The following DLGAP4 variants were observed in gnomAD, a reference collection of about 807,000 sequenced individuals.
The protein encoded by DLGAP4 is DLG associated protein 4.
DLGAP4 carries 18 observed loss-of-function variants against 86.9 expected under a neutral mutation model. That is an observed-to-expected ratio of 0.21 (90% CI 0.14 to 0.31). The LOEUF is 0.31. Among genes scored for constraint, DLGAP4 ranks in the 10% least tolerant of loss-of-function variants. The pLI is 1.00. For synonymous variants in DLGAP4, 548 were observed against 574.3 expected (o/e 0.95, Z 0.65); for missense variants, 1,085 against 1,362.6 (o/e 0.80, Z 3.21).
rs1209825623 is a variant in DLGAP4 at position 36,527,089 on chromosome 20, G to T, written c.*58G>T. ...CATTAAAAACACAAAAACTAAGTGC[G>T]AACGGAACAGAGTTTTCTCAACCTT... On this transcript the variant is annotated 3_prime_UTR_variant, in exon 13 of 13. Coordinates refer to ENST00000339266, the MANE Select transcript of DLGAP4 (RefSeq NM_001365621.2). 2 of 1,480,852 alleles carry T rather than the reference G, an allele frequency of 1.4e-6. No homozygotes were observed. Among genetic ancestry groups the T allele is most frequent in the South Asian group, 2.6e-5 (2 of 78,126 alleles). The allele number at this position is 1,480,852 out of a possible 1,614,324, so 91.7% of individuals were successfully genotyped here. A position where few individuals can be genotyped will look rare whatever the true frequency, so the allele number is the denominator to read the frequency against.
chr20:36,442,617 G>T, intron 5 of DLGAP4, 110 bp from the exon 6 acceptor site: 1 of 1,207,274 alleles, frequency 8.3e-7, no homozygotes, highest in East Asian at 2.3e-5. Flanking sequence ...AGCCAGTCTG[G>T]GGAGGAGGTT....
At chr20:36,394,855 G>A (rs1397579551) in intron 2 of DLGAP4, among the ~76,000 whole-genome samples, 1 of 152,180 alleles carries the variant, frequency 6.6e-6, no homozygotes, top group Non-Finnish European at 1.5e-5. Flanking sequence ...AGGCCACGTG[G>A]AAAGAGAGGG....
chr20:36,427,101 T>C (rs2032994694), intron 2 of DLGAP4, among the ~76,000 whole-genome samples: 1 of 152,140 alleles, frequency 6.6e-6, no homozygotes, highest in Admixed American at 6.5e-5. Flanking sequence ...GGAGGACATT[T>C]GAGCCCAGGA....
intron 10 of DLGAP4, among the ~76,000 whole-genome samples, chr20:36,511,597 G>A (rs1418386720): frequency 2.0e-5 from 3 of 151,970 alleles, no homozygotes; most frequent in Admixed American, 6.6e-5. Flanking sequence ...ATTTGCGGCC[G>A]GGTGCAGTGG....
Position 36,496,748 on chromosome 20 carries a change from C to G in DLGAP4, c.1692C>G (p.Val564=). 1 of 1,610,104 alleles carries G rather than the reference C, an allele frequency of 6.2e-7. No individual in the cohort carries two copies. Among genetic ancestry groups the G allele is most frequent in the Non-Finnish European group, 8.5e-7 (1 of 1,176,630 alleles). ...LVAYKKTPPP[V]PPRTTSKPFI... is the part of the protein sequence containing the mutation. ...CGTATAAGAAGACCCCGCCACCGGT[C>G]CCTCCACGCACCACTTCAAAGCCGT... is the stretch of plus-strand genomic sequence containing the variant. The change falls in exon 8 of 13, where the codon GTC becomes GTG. Residue 564 remains valine, a synonymous_variant. Transcript: ENST00000339266.
intron 2 of DLGAP4, among the ~76,000 whole-genome samples, chr20:36,371,281 A>G (rs1272041803): frequency 6.6e-6 from 1 of 152,166 alleles, no homozygotes; most frequent in East Asian, 1.9e-4. Context: ...GCATCTCTTC[A>G]TTCATGCGTT....
chr20:36,499,165 T>C (rs2036011965), intron 8 of DLGAP4: 1 of 1,391,520 alleles, frequency 7.2e-7, no homozygotes, highest in East Asian at 2.4e-5. Context: ...AGATAACGGC[T>C]GTGGCTTTGT....
intron 1 of DLGAP4, among the ~76,000 whole-genome samples, chr20:36,347,400 C>T (rs1569465901): frequency 1.3e-5 from 2 of 152,116 alleles, no homozygotes; most frequent in East Asian, 3.9e-4. Flanking sequence ...AGATCATGGG[C>T]CACTGAGCAC....
intron 1 of DLGAP4, among the ~76,000 whole-genome samples, chr20:36,331,064 G>C (rs781988391): frequency 2.6e-5 from 4 of 152,212 alleles, no homozygotes; most frequent in Admixed American, 6.5e-5. Context: ...CCATGTGAGA[G>C]AGACAGCTCA....
chr20:36,434,701 C>T (rs1359983280), intron 3 of DLGAP4, among the ~76,000 whole-genome samples: 1 of 152,182 alleles, frequency 6.6e-6, no homozygotes, highest in African/African-American at 2.4e-5. Flanking sequence ...GCTGGGCAGT[C>T]TGCTGAGGGT....
chr20:36,424,869 G>A (rs1424912534), intron 2 of DLGAP4, among the ~76,000 whole-genome samples: 3 of 151,964 alleles, frequency 2.0e-5, no homozygotes, highest in Admixed American at 2.0e-4. Context: ...CCAAGTGGCT[G>A]GGATTATAGG....
rs547529464 is a variant in DLGAP4 at position 36,353,552 on chromosome 20, G to A, written c.-303-13493G>A. Among the ~76,000 whole-genome samples the A allele has an allele frequency of 3.3e-5, 5 of 152,322 alleles. No individual in the cohort carries two copies. The South Asian group carries it at 1.0e-3, about 32-fold the overall frequency. On this transcript the variant is annotated intron_variant, in intron 1 of 12. Transcript: ENST00000339266. ...TGAAGGGCAGAAGCATTTCTTGTAA[G>A]CACCTGGTTACAAACTCAGCACATG... is the stretch of plus-strand genomic sequence containing the variant.
chr20:36,382,446 C>G (rs753650072), intron 2 of DLGAP4, among the ~76,000 whole-genome samples: 2 of 150,980 alleles, frequency 1.3e-5, no homozygotes, highest in Non-Finnish European at 3.0e-5. Context: ...AAGCTAGTCT[C>G]AAACTTTTGG....
chr20:36,514,903 C>A (rs1227102501), intron 10 of DLGAP4, among the ~76,000 whole-genome samples: 1 of 152,000 alleles, frequency 6.6e-6, no homozygotes, highest in African/African-American at 2.4e-5. Context: ...AGGAGAAAGG[C>A]CATGTCTGAG....
chr20:36,340,701 G>A (rs982151046), intron 1 of DLGAP4, among the ~76,000 whole-genome samples: 2 of 152,180 alleles, frequency 1.3e-5, no homozygotes, highest in African/African-American at 4.8e-5. Flanking sequence ...AAGAGGCGGA[G>A]ACACTGCTGC....
intron 1 of DLGAP4, among the ~76,000 whole-genome samples, chr20:36,365,550 G>C (rs1462564324): frequency 1.3e-5 from 2 of 152,216 alleles, no homozygotes; most frequent in African/African-American, 4.8e-5. Flanking sequence ...TCAGGTGCCT[G>C]GGTTGGAGGC....
In DLGAP4 at chr20:36,514,843, G is replaced by C. The variant is rs982125332; in HGVS notation, c.2513-9407G>C. Among the ~76,000 whole-genome samples, 5 of 152,256 alleles carry C rather than the reference G, an allele frequency of 3.3e-5. No homozygotes were observed. In the East Asian group the frequency reaches 9.7e-4, roughly 29 times the overall value. On this transcript the variant is annotated intron_variant, in intron 10 of 12. Transcript: ENST00000339266. ...TGTTGGGGTTATCCTTAGGTGAGAA[G>C]GAATCGAATTAGTGCCCAAGTAGAG...
At chr20:36,525,422 C>G (rs1156935561) in intron 11 of DLGAP4, 1 of 236,408 alleles carries the variant, frequency 4.2e-6, no homozygotes, top group East Asian at 9.7e-5. Flanking sequence ...TCTCCAAGAC[C>G]TACAGAGACT....
chr20:36,508,419 G>GTGTTTTTTTTTTTTT (rs2036502392), intron 10 of DLGAP4: 1 of 134,604 alleles, frequency 7.4e-6, no homozygotes, highest in African/African-American at 3.0e-5. Flanking sequence ...ATGTTTCAGG[G>GTGTTTTTTTTTTTTT]TTCTTTTTTT....
Sources: allele counts gnomAD v4.1 joint callset (sites outside exome capture counted in the v4.1 genomes callset), GRCh38; gene constraint gnomAD v4.1.1; transcripts MANE v1.5; gene names NCBI Gene and HGNC (gene_info 2026-07-23, HGNC 2026-07-21).